WWOX: variants seen among roughly 807,000 people sequenced by gnomAD.
WWOX encodes WW domain-containing oxidoreductase.
Under a neutral mutation model 46.2 loss-of-function variants are expected in WWOX, and 69 were observed. That is an observed-to-expected ratio of 1.49 (90% CI 1.23 to 1.82). The LOEUF is 1.82. Ranked by LOEUF, WWOX falls within the 40% of genes most tolerant of loss-of-function variation. WWOX has a pLI of 0.00. For missense variants in WWOX, 919 were observed against 542.6 expected, an observed-to-expected ratio of 1.69 and a Z score of -6.89; for synonymous variants, 359 against 202.6, an observed-to-expected ratio of 1.77 and a Z score of -6.56.
At chr16:79,008,122 C>A (rs983058194) in intron 8 of WWOX, among the ~76,000 whole-genome samples, 1 of 152,110 alleles carries the variant, frequency 6.6e-6, no homozygotes, top group African/African-American at 2.4e-5. Context: ...AATTCATTTT[C>A]TTGTAACTGT....
At chr16:78,793,906 T>C (rs1205507190) in intron 8 of WWOX, among the ~76,000 whole-genome samples, 1 of 151,600 alleles carries the variant, frequency 6.6e-6, no homozygotes, top group Non-Finnish European at 1.5e-5. Flanking sequence ...AAATAAAATA[T>C]TTGAAAAAAA....
intron 8 of WWOX, among the ~76,000 whole-genome samples, chr16:78,760,906 C>G (rs1212174628): frequency 1.3e-5 from 2 of 152,160 alleles, no homozygotes; most frequent in African/African-American, 2.4e-5. Flanking sequence ...AGGCGCATCT[C>G]ACGTGGTGGC....
At chr16:78,671,506 A>C (rs1462808975) in intron 8 of WWOX, among the ~76,000 whole-genome samples, 6 of 152,128 alleles carry the variant, frequency 3.9e-5, no homozygotes, top group African/African-American at 1.4e-4. Flanking sequence ...AGTATAGATA[A>C]CTTGTGATGG....
At chr16:79,054,110 G>A (rs915431698) in intron 8 of WWOX, among the ~76,000 whole-genome samples, 1 of 152,106 alleles carries the variant, frequency 6.6e-6, no homozygotes, top group African/African-American at 2.4e-5. Context: ...GGCTGTATAA[G>A]ATCTTTAATG....
chr16:79,029,886 C>T (rs1300091266), intron 8 of WWOX, among the ~76,000 whole-genome samples: 2 of 152,050 alleles, frequency 1.3e-5, no homozygotes, highest in Admixed American at 6.5e-5. Context: ...AATAGAAAAT[C>T]GAAAGGAAGC....
intron 4 of WWOX, among the ~76,000 whole-genome samples, chr16:78,133,230 C>G (rs1424446871): frequency 6.6e-6 from 1 of 152,134 alleles, no homozygotes; most frequent in East Asian, 1.9e-4. Flanking sequence ...TATGTTTAAA[C>G]TGAGAAGTAC....
At chr16:78,997,113 G>A (rs998348562) in intron 8 of WWOX, among the ~76,000 whole-genome samples, 2 of 151,786 alleles carry the variant, frequency 1.3e-5, no homozygotes, top group African/African-American at 4.8e-5. Context: ...GCTCTTCAAT[G>A]TAGACATATG....
intron 8 of WWOX, among the ~76,000 whole-genome samples, chr16:79,098,835 G>A (rs112015064): frequency 0.019 from 2,904 of 152,204 alleles, 30 homozygotes; most frequent in Non-Finnish European, 0.029. Flanking sequence ...GCAATATGTT[G>A]CCTTCTCTGT....
intron 8 of WWOX, among the ~76,000 whole-genome samples, chr16:79,125,899 C>T (rs189553595): frequency 6.6e-6 from 1 of 152,314 alleles, no homozygotes; most frequent in African/African-American, 2.4e-5. Context: ...GGCGTGGTTT[C>T]TTTACTATCT....
At chr16:79,004,242 C>G (rs2047149555) in intron 8 of WWOX, 1 of 152,192 alleles carries the variant, frequency 6.6e-6, no homozygotes, top group African/African-American at 2.4e-5. Flanking sequence ...ATAGAAGGCG[C>G]TGCACGGGGA....
intron 5 of WWOX, among the ~76,000 whole-genome samples, chr16:78,364,185 T>C (rs1484426614): frequency 6.6e-6 from 1 of 152,156 alleles, no homozygotes; most frequent in East Asian, 1.9e-4. Context: ...TAATTTTATT[T>C]TGGGTTTGGA....
At chr16:79,079,327 T>A (rs1194994152) in intron 8 of WWOX, among the ~76,000 whole-genome samples, 1 of 152,184 alleles carries the variant, frequency 6.6e-6, no homozygotes, top group Non-Finnish European at 1.5e-5. Context: ...TTTGCCTCTC[T>A]TTTTTTCTTG....
At chr16:78,214,576 T>G (rs2036658872) in intron 5 of WWOX, among the ~76,000 whole-genome samples, 1 of 152,224 alleles carries the variant, frequency 6.6e-6, no homozygotes, top group Non-Finnish European at 1.5e-5. Flanking sequence ...TCCCTTCTAA[T>G]CATGCCATTT....
intron 8 of WWOX, among the ~76,000 whole-genome samples, chr16:79,061,671 A>C (rs1220450811): frequency 6.6e-6 from 1 of 152,202 alleles, no homozygotes; most frequent in Non-Finnish European, 1.5e-5. Flanking sequence ...AGGAAAGAAA[A>C]AGACAAGTTA....
intron 5 of WWOX, among the ~76,000 whole-genome samples, chr16:78,354,648 G>C (rs928056395): frequency 7.2e-5 from 11 of 151,962 alleles, no homozygotes; most frequent in Non-Finnish European, 1.3e-4. Flanking sequence ...TATTTTGCCT[G>C]ATAAATAGTT....
intron 8 of WWOX, among the ~76,000 whole-genome samples, chr16:78,717,634 C>T (rs960961478): frequency 9.2e-5 from 14 of 152,056 alleles, no homozygotes; most frequent in African/African-American, 3.1e-4. Flanking sequence ...CCCAGACACA[C>T]GGAGGAGACA....
chr16:78,422,672 TATATATATATATACACAC>T (rs375564177), intron 6 of WWOX, among the ~76,000 whole-genome samples: 2,255 of 65,236 alleles, frequency 0.035, 271 homozygotes, highest in African/African-American at 0.12. Flanking sequence ...TGTATATATA[TATATATATATATACACAC>T]ACACACACAC....
At chr16:78,677,571 T>A (rs1286349448) in intron 8 of WWOX, among the ~76,000 whole-genome samples, 1 of 152,214 alleles carries the variant, frequency 6.6e-6, no homozygotes, top group Non-Finnish European at 1.5e-5. Context: ...CTTTCAGACA[T>A]GCAACCCCCA....
intron 8 of WWOX, among the ~76,000 whole-genome samples, chr16:78,634,609 G>C (rs184087792): frequency 2.6e-5 from 4 of 151,970 alleles, no homozygotes; most frequent in African/African-American, 9.7e-5. Context: ...AGGAAGTTGA[G>C]GCAGGAGAAT....
Sources: allele counts gnomAD v4.1 joint callset (sites outside exome capture counted in the v4.1 genomes callset), GRCh38; gene constraint gnomAD v4.1.1; transcripts MANE v1.5; gene names NCBI Gene and HGNC (gene_info 2026-07-23, HGNC 2026-07-21).